Variants in HYAL4 observed in about 807,000 individuals in gnomAD.
HYAL4 encodes hyaluronidase-4.
Under a neutral mutation model 35.2 loss-of-function variants are expected in HYAL4, and 37 were observed. That is an observed-to-expected ratio of 1.05 (90% CI 0.81 to 1.38). The LOEUF (loss-of-function observed/expected upper bound fraction) is 1.38. Among genes scored for constraint, HYAL4 ranks in the 40% most tolerant of loss-of-function variants. The pLI, the probability that HYAL4 is intolerant of heterozygous loss-of-function variation, is 0.00. For synonymous variants in HYAL4, 198 were observed against 203.2 expected (o/e 0.97, Z 0.22); for missense variants, 572 against 572.4 (o/e 1.00, Z 0.01).
chr7:123,766,447 G>A, the HYAL4 span, among the ~76,000 whole-genome samples: 5 of 152,032 alleles, frequency 3.3e-5, no homozygotes, highest in Admixed American at 3.3e-4. Context: ...TGAAACCCCC[G>A]GGTAACCTAA....
the HYAL4 span, among the ~76,000 whole-genome samples, chr7:123,768,301 G>A: frequency 6.6e-6 from 1 of 152,106 alleles, no homozygotes; most frequent in Non-Finnish European, 1.5e-5. Flanking sequence ...AATAATGTAA[G>A]CAACCTGTTC....
rs891379891 is a variant in HYAL4 at position 123,837,526 on chromosome 7, A to AT, written c.-256-6709dup. Among the ~76,000 whole-genome samples, 20 of 150,456 alleles carry AT rather than the reference A, an allele frequency of 1.3e-4. No homozygotes were observed. In the South Asian group the frequency reaches 1.7e-3, roughly 13 times the overall value. The stretch of plus-strand genomic sequence containing the variant: ...GAATATTAACGTGTCTGGCATTGCC[A>AT]TTTTTTTTTTAAATTATACTTTAAG... On this transcript the variant is annotated intron_variant, in intron 1 of 4. Coordinates refer to the HYAL4 transcript ENST00000489978.
the HYAL4 span, among the ~76,000 whole-genome samples, chr7:123,774,799 T>G: frequency 1.3e-5 from 2 of 152,240 alleles, no homozygotes; most frequent in Non-Finnish European, 2.9e-5. Context: ...CTTCTGACTC[T>G]TTATGTCGAT....
rs2116973152 is a variant in HYAL4, at chr7:123,877,105, A to G, written c.1396A>G (p.Met466Val). The G allele has an allele frequency of 1.2e-6, 2 of 1,614,200 alleles. No homozygotes were observed. Among genetic ancestry groups the G allele is most frequent in the Non-Finnish European group, 1.7e-6 (2 of 1,180,026 alleles). ...SGVSPSPGSL[M>V]TLCLLLLASY... ...GGTTTCCCCTTCTCCTGGTTCACTA[A>G]TGACACTTTGTCTACTGCTTTTAGC... Residue 466 changes from methionine to valine, a missense_variant, in exon 5 of 5, where the codon ATG (methionine) becomes GTG (valine). Physicochemically the swap from Met to Val is conservative, Grantham distance 21 (BLOSUM62 1). Coordinates refer to ENST00000223026, the MANE Select transcript of HYAL4 (RefSeq NM_012269.3).
chr7:123,826,624 A>G (rs749103751), upstream of HYAL4, among the ~76,000 whole-genome samples: 4 of 152,272 alleles, frequency 2.6e-5, no homozygotes, highest in Non-Finnish European at 4.4e-5. Flanking sequence ...CCAAATTGCT[A>G]CTTGGGAGGA....
chr7:123,822,858 A>G, the HYAL4 span, among the ~76,000 whole-genome samples: 1 of 152,216 alleles, frequency 6.6e-6, no homozygotes, highest in East Asian at 1.9e-4. Flanking sequence ...CTAGCTTCTC[A>G]GGAGGCTACA....
chr7:123,798,651 G>A, the HYAL4 span, among the ~76,000 whole-genome samples: 2 of 152,262 alleles, frequency 1.3e-5, no homozygotes, highest in East Asian at 1.9e-4. Context: ...TACTCCCTTC[G>A]TGGCATTCTT....
At chr7:123,873,367 T>G (rs1375554479) in intron 3 of HYAL4, among the ~76,000 whole-genome samples, 1 of 150,252 alleles carries the variant, frequency 6.7e-6, no homozygotes, top group African/African-American at 2.5e-5. Context: ...AACCAAAATC[T>G]CTTTCCTTGT....
At chr7:123,851,557 G>A (rs190202311) in intron 2 of HYAL4, among the ~76,000 whole-genome samples, 124 of 152,140 alleles carry the variant, frequency 8.2e-4, no homozygotes, top group Admixed American at 3.6e-3. Flanking sequence ...TCATGTCCCC[G>A]CAAAGGACAT....
chr7:123,824,615 C>T (rs2116899913), upstream of HYAL4, among the ~76,000 whole-genome samples: 2 of 152,218 alleles, frequency 1.3e-5, no homozygotes, highest in African/African-American at 4.8e-5. Context: ...CCATTCTCTG[C>T]TTTGAACAAT....
the HYAL4 span, among the ~76,000 whole-genome samples, chr7:123,816,556 C>T: frequency 1.3e-5 from 2 of 152,170 alleles, no homozygotes; most frequent in African/African-American, 4.8e-5. Flanking sequence ...AGATGAGCCA[C>T]ATTTTCATAA....
the HYAL4 span, among the ~76,000 whole-genome samples, chr7:123,778,566 T>A: frequency 6.6e-6 from 1 of 151,896 alleles, no homozygotes. Flanking sequence ...TTTCGTACGA[T>A]GTCTTTTGAT....
chr7:123,789,697 T>A, the HYAL4 span, among the ~76,000 whole-genome samples: 3 of 152,328 alleles, frequency 2.0e-5, no homozygotes, highest in East Asian at 5.8e-4. Context: ...AAGTAAGCTG[T>A]TAGCTCAGCT....
the HYAL4 span, among the ~76,000 whole-genome samples, chr7:123,802,820 AC>A: frequency 6.6e-6 from 1 of 152,232 alleles, no homozygotes; most frequent in African/African-American, 2.4e-5. Flanking sequence ...CAAATAGGAT[AC>A]ATATTTTAAG....
intron 2 of HYAL4, among the ~76,000 whole-genome samples, chr7:123,855,087 T>C (rs977645319): frequency 6.6e-6 from 1 of 152,196 alleles, no homozygotes; most frequent in Admixed American, 6.6e-5. Flanking sequence ...ATTTTGAACT[T>C]ATATGTGTCT....
upstream of HYAL4, among the ~76,000 whole-genome samples, chr7:123,843,709 T>C (rs1469675442): frequency 6.6e-6 from 1 of 152,016 alleles, no homozygotes; most frequent in Non-Finnish European, 1.5e-5. Context: ...TTATTCTTTT[T>C]CTGTAACCTT....
At chr7:123,840,915 C>T (rs1057145676), upstream of HYAL4, among the ~76,000 whole-genome samples, 2 of 151,968 alleles carry the variant, frequency 1.3e-5, no homozygotes, top group Non-Finnish European at 2.9e-5. Context: ...TCTAAATATA[C>T]AATCATGTCA....
the HYAL4 span, among the ~76,000 whole-genome samples, chr7:123,795,157 A>G: frequency 6.6e-6 from 1 of 152,200 alleles, no homozygotes; most frequent in Admixed American, 6.5e-5. Context: ...AGTTTTCACC[A>G]ATTTCTTCCA....
At chr7:123,812,554 TCTC>T in the HYAL4 span, among the ~76,000 whole-genome samples, 1 of 152,068 alleles carries the variant, frequency 6.6e-6, no homozygotes, top group Non-Finnish European at 1.5e-5. Flanking sequence ...ATAATGAAAA[TCTC>T]CTAGAAGAGG....
Sources: gnomAD v4.1 joint callset for allele counts (sites outside exome capture counted in the v4.1 genomes callset) on GRCh38, gnomAD v4.1.1 for gene constraint, MANE v1.5 for transcripts, NCBI Gene and HGNC (gene_info 2026-07-23, HGNC 2026-07-21) for gene names.